The following PEX5L variants were observed in gnomAD, a reference collection of about 807,000 sequenced individuals.
PEX5L encodes the protein PEX5-related protein.
PEX5L carries 30 observed loss-of-function variants against 84.0 expected under a neutral mutation model. The observed-to-expected ratio is 0.36, with a 90% CI of 0.27 to 0.48. The LOEUF (loss-of-function observed/expected upper bound fraction) is 0.48, where lower values mean the gene tolerates loss of function less well. Among genes scored for constraint, PEX5L ranks in the 20% least tolerant of loss-of-function variants. PEX5L has a pLI of 0.99. For missense variants in PEX5L, 533 were observed against 754.6 expected (o/e 0.71, Z 3.44); for synonymous variants, 270 against 283.1 (o/e 0.95, Z 0.46).
intron 8 of PEX5L, among the ~76,000 whole-genome samples, chr3:179,838,054 C>T (rs552186993): frequency 1.3e-5 from 2 of 152,236 alleles, no homozygotes; most frequent in South Asian, 4.1e-4. Context: ...CCAGTGTTTG[C>T]TGAAAAATCA....
intron 7 of PEX5L, among the ~76,000 whole-genome samples, chr3:179,868,581 C>T (rs1185117072): frequency 2.0e-5 from 3 of 152,146 alleles, no homozygotes; most frequent in African/African-American, 7.2e-5. Context: ...AAATTCGCAT[C>T]TGTAGATCTG....
intron 1 of PEX5L, among the ~76,000 whole-genome samples, chr3:180,000,129 T>C (rs1394619979): frequency 1.3e-5 from 2 of 152,200 alleles, no homozygotes. Context: ...TACGTTCTTC[T>C]GGCCTAGAGG....
intron 1 of PEX5L, among the ~76,000 whole-genome samples, chr3:180,013,629 T>C (rs994619884): frequency 2.0e-5 from 3 of 152,144 alleles, no homozygotes; most frequent in African/African-American, 4.8e-5. Flanking sequence ...CAGAGAGGAC[T>C]GAAGTTTGTA....
chr3:180,014,401 G>A (rs911191993), intron 1 of PEX5L, among the ~76,000 whole-genome samples: 1 of 152,040 alleles, frequency 6.6e-6, no homozygotes, highest in Admixed American at 6.5e-5. Context: ...GAACCCGGGA[G>A]GCGGAGCTTG....
At chr3:179,903,469 A>G (rs1435640088) in intron 2 of PEX5L, among the ~76,000 whole-genome samples, 1 of 152,152 alleles carries the variant, frequency 6.6e-6, no homozygotes, top group African/African-American at 2.4e-5. Flanking sequence ...GGCTCAAGCA[A>G]TCTTCCTGCC....
At chr3:179,809,073 C>CAAAAAAAAAAAAAAAAAAAAAAAAAA (rs10684376) in intron 12 of PEX5L, among the ~76,000 whole-genome samples, 1 of 47,772 alleles carries the variant, frequency 2.1e-5, no homozygotes, top group Non-Finnish European at 3.6e-5. Context: ...GATTCCGCCT[C>CAAAAAAAAAAAAAAAAAAAAAAAAAA]AAAAAAAAAA....
intron 8 of PEX5L, among the ~76,000 whole-genome samples, chr3:179,832,039 G>C (rs77420541): frequency 1.1e-3 from 161 of 152,178 alleles, no homozygotes; most frequent in African/African-American, 3.7e-3. Context: ...GAGTACATAG[G>C]GCATTCTATT....
Position 179,934,953 on chromosome 3 carries a change from T to C in PEX5L, c.93+36641A>G, listed in dbSNP as rs7633488. Among the ~76,000 whole-genome samples, 1,212 of 152,226 alleles carry C rather than the reference T, an allele frequency of 8.0e-3. 20 individuals carry two copies. Among genetic ancestry groups the C allele is most frequent in the African/African-American group, 0.028 (1,151 of 41,500 alleles). On this transcript the variant is annotated intron_variant, in intron 2 of 14. Transcript: ENST00000467460. ...GTCAGATGTCAATATTAAAGCATTT[T>C]GGATAGAAAAGGACCTGATTTTGGC...
rs565207877 is a variant in PEX5L at position 179,905,429 on chromosome 3, C to T, written c.94-7183G>A. Among the ~76,000 whole-genome samples the T allele has an allele frequency of 2.7e-3, 413 of 152,154 alleles. 3 individuals carry two copies. Among genetic ancestry groups the T allele is most frequent in the African/African-American group, 9.7e-3 (403 of 41,514 alleles). ...CTGGAACTACAGGCGCCCGCCACCA[C>T]GCCCGGCTAATTTTTTTGTGTTTTT... On this transcript the variant is annotated intron_variant, in intron 2 of 14. Coordinates refer to ENST00000467460, the MANE Select transcript of PEX5L (RefSeq NM_016559.3).
At chr3:179,947,729 C>T (rs9875222) in intron 2 of PEX5L, among the ~76,000 whole-genome samples, 57,202 of 136,202 alleles carry the variant, frequency 0.42, 12,226 homozygotes, top group East Asian at 0.68. Flanking sequence ...TTTTTTGAGA[C>T]GGAGTCTCAC....
chr3:179,900,365 G>T (rs1760875132), intron 2 of PEX5L, among the ~76,000 whole-genome samples: 1 of 151,946 alleles, frequency 6.6e-6, no homozygotes, highest in Admixed American at 6.6e-5. Flanking sequence ...TAATAATTTA[G>T]ATTCTTTTCT....
In PEX5L at chr3:179,800,816, A is replaced by T. The variant is rs1253193850; in HGVS notation, c.*1012T>A. The T allele has an allele frequency of 6.6e-6, 1 of 152,242 alleles. No homozygotes were observed. Among genetic ancestry groups the T allele is most frequent in the Non-Finnish European group, 1.5e-5 (1 of 68,046 alleles). The allele number at this position is 152,242 out of a possible 1,614,324, so 9.4% of individuals were successfully genotyped here. A position where few individuals can be genotyped will look rare whatever the true frequency, so the allele number is the denominator to read the frequency against. On this transcript the variant is annotated 3_prime_UTR_variant, in exon 15 of 15. Transcript: ENST00000467460. ...TTAAAATATTTATGGTTTAAAAGGA[A>T]TATTGGTGTGCAGGGCAAAGCCAGT...
intron 2 of PEX5L, among the ~76,000 whole-genome samples, chr3:179,952,311 G>T (rs537913733): frequency 1.3e-5 from 2 of 152,210 alleles, no homozygotes; most frequent in African/African-American, 2.4e-5. Context: ...TGTCGAGAAA[G>T]AAATATTTTT....
chr3:179,961,557 G>A (rs2049768), intron 2 of PEX5L, among the ~76,000 whole-genome samples: 1 of 151,920 alleles, frequency 6.6e-6, no homozygotes, highest in Non-Finnish European at 1.5e-5. Context: ...GGCAATGGCA[G>A]AGCGTGGGCA....
chr3:179,980,174 T>C (rs1190190146), intron 1 of PEX5L, among the ~76,000 whole-genome samples: 2 of 152,288 alleles, frequency 1.3e-5, no homozygotes, highest in South Asian at 2.1e-4. Flanking sequence ...ATTTTGTTTC[T>C]GACAAGAATC....
chr3:179,898,931 G>A (rs752172094), intron 2 of PEX5L, among the ~76,000 whole-genome samples: 17 of 151,952 alleles, frequency 1.1e-4, no homozygotes, highest in Non-Finnish European at 1.0e-4. Context: ...AGACATAAAG[G>A]ATAATTAATA....
Position 180,009,937 on chromosome 3 carries a change from CTTTTA to C in PEX5L, c.21+26637_21+26641del, listed in dbSNP as rs564279015. Among the ~76,000 whole-genome samples the C allele has an allele frequency of 4.6e-5, 7 of 151,886 alleles. No individual in the cohort carries two copies. In the South Asian group the frequency reaches 1.2e-3, roughly 27 times the overall value. On this transcript the variant is annotated intron_variant, in intron 1 of 14. Transcript: ENST00000467460. ...AGAAACATTTGGTAGTGTGTAAAGACTTTTATTTATTTATTTATTTATTTGAGACA... is the reference window on the plus strand; with the variant it reads ...AGAAACATTTGGTAGTGTGTAAAGACTTTATTTATTTATTTATTTGAGACA...
intron 1 of PEX5L, among the ~76,000 whole-genome samples, chr3:180,016,457 ATC>A (rs1346037454): frequency 1.3e-5 from 2 of 152,252 alleles, no homozygotes; most frequent in African/African-American, 4.8e-5. Context: ...CAGTTCACCT[ATC>A]TCTGCAACTG....
chr3:179,909,547 C>T (rs1423401653), intron 2 of PEX5L, among the ~76,000 whole-genome samples: 2 of 152,110 alleles, frequency 1.3e-5, no homozygotes, highest in Non-Finnish European at 1.5e-5. Flanking sequence ...CTGAATGTAG[C>T]CACAAGCAGA....
Sources: allele counts gnomAD v4.1 joint callset (sites outside exome capture counted in the v4.1 genomes callset), GRCh38; gene constraint gnomAD v4.1.1; transcripts MANE v1.5; gene names NCBI Gene and HGNC (gene_info 2026-07-23, HGNC 2026-07-21).